The following ERC1 variants were observed in gnomAD, a reference collection of about 807,000 sequenced individuals.
The protein encoded by ERC1 is ELKS/RAB6-interacting/CAST family member 1.
ERC1 carries 56 observed loss-of-function variants against 132.0 expected under a neutral mutation model. The observed-to-expected ratio is 0.42, with a 90% CI of 0.34 to 0.53. The LOEUF (loss-of-function observed/expected upper bound fraction) is 0.53, where lower values mean the gene tolerates loss of function less well. Among genes scored for constraint, ERC1 ranks in the 20% least tolerant of loss-of-function variants. The pLI is 0.03. For missense variants in ERC1, 1,202 were observed against 1,349.9 expected, an observed-to-expected ratio of 0.89 and a Z score of 1.72; for synonymous variants, 478 against 476.1, an observed-to-expected ratio of 1.00 and a Z score of -0.05.
intron 12 of ERC1, among the ~76,000 whole-genome samples, chr12:1,231,132 C>G (rs1329813332): frequency 6.9e-6 from 1 of 144,572 alleles, no homozygotes; most frequent in South Asian, 2.1e-4. Context: ...TTGCTGCCTT[C>G]CTTTCTGATT....
chr12:1,314,205 G>C (rs55734408), intron 15 of ERC1, among the ~76,000 whole-genome samples: 2,928 of 151,878 alleles, frequency 0.019, 101 homozygotes, highest in African/African-American at 0.068. Flanking sequence ...ACCCTATCTG[G>C]GCCTCTGTTT....
intron 13 of ERC1, among the ~76,000 whole-genome samples, chr12:1,245,694 A>G (rs574201595): frequency 1.3e-5 from 2 of 152,352 alleles, no homozygotes; most frequent in Admixed American, 1.3e-4. Context: ...AATGAAAATG[A>G]TACCTGAAAA....
chr12:1,211,076 A>C (rs1957822572), intron 12 of ERC1, among the ~76,000 whole-genome samples: 1 of 152,198 alleles, frequency 6.6e-6, no homozygotes, highest in South Asian at 2.1e-4. Flanking sequence ...AAAATCACTT[A>C]AGTATGTTAC....
At chr12:1,000,719 C>T (rs1472845954) in intron 1 of ERC1, among the ~76,000 whole-genome samples, 7 of 152,154 alleles carry the variant, frequency 4.6e-5, no homozygotes, top group East Asian at 3.9e-4. Flanking sequence ...GCCAAAATCA[C>T]GCCATTGCAC....
At chr12:1,285,084 G>A (rs2078955382) in intron 14 of ERC1, among the ~76,000 whole-genome samples, 2 of 152,118 alleles carry the variant, frequency 1.3e-5, no homozygotes, top group Non-Finnish European at 2.9e-5. Context: ...TGCTTTGGAA[G>A]TAAGAGTTTT....
chr12:1,342,339 C>T (rs1304707770), intron 15 of ERC1, among the ~76,000 whole-genome samples: 2 of 151,866 alleles, frequency 1.3e-5, no homozygotes, highest in Non-Finnish European at 2.9e-5. Context: ...TGGTGGCACA[C>T]GCCTGTAATC....
intron 17 of ERC1, among the ~76,000 whole-genome samples, chr12:1,416,250 A>T (rs1342233886): frequency 6.6e-6 from 1 of 152,220 alleles, no homozygotes; most frequent in Non-Finnish European, 1.5e-5. Flanking sequence ...TCACTGATAA[A>T]TGTGACTAAC....
At chr12:1,046,197 A>G (rs1339441741) in intron 2 of ERC1, among the ~76,000 whole-genome samples, 1 of 152,226 alleles carries the variant, frequency 6.6e-6, no homozygotes, top group Non-Finnish European at 1.5e-5. Context: ...CTAACACCAA[A>G]GGAATTGTGC....
chr12:1,084,545 A>T (rs1435945308), intron 3 of ERC1, among the ~76,000 whole-genome samples: 2 of 152,176 alleles, frequency 1.3e-5, no homozygotes, highest in Non-Finnish European at 2.9e-5. Context: ...ATTGTTTTTT[A>T]AAAACATGAT....
chr12:1,327,223 C>G (rs2082508173), intron 15 of ERC1, among the ~76,000 whole-genome samples: 1 of 149,222 alleles, frequency 6.7e-6, no homozygotes, highest in Non-Finnish European at 1.5e-5. Context: ...AAATACTAGA[C>G]ATTTCTATTA....
rs1247409223 is a variant in ERC1, at chr12:1,493,544, AAAAAATATATATATAT to A, written c.*3316_*3331del. 20 of 22,530 alleles carry A rather than the reference AAAAAATATATATATAT, an allele frequency of 8.9e-4. 3 individuals carry two copies. In the East Asian group the frequency reaches 0.031, roughly 35 times the overall value. 1.4% of individuals were successfully genotyped at this position (22,530 alleles called of 1,614,324 possible). ...AGAGACTCCATTTAAAAAAAAAAAAAAAAAATATATATATATATATATATATATATATATGGATGGG... is the reference window on the plus strand; with the variant it reads ...AGAGACTCCATTTAAAAAAAAAAAAAATATATATATATATATATGGATGGG... On this transcript the variant is annotated 3_prime_UTR_variant, in exon 19 of 19. Coordinates refer to ENST00000360905, the MANE Select transcript of ERC1 (RefSeq NM_178040.4).
At chr12:1,231,903 C>G (rs2075071224) in intron 12 of ERC1, among the ~76,000 whole-genome samples, 1 of 152,134 alleles carries the variant, frequency 6.6e-6, no homozygotes, top group Non-Finnish European at 1.5e-5. Context: ...CCACGCCCAG[C>G]TAATTTTTGT....
chr12:1,405,293 G>A (rs967691193), intron 16 of ERC1, among the ~76,000 whole-genome samples: 2 of 146,670 alleles, frequency 1.4e-5, no homozygotes, highest in Non-Finnish European at 3.0e-5. Flanking sequence ...TTATTAATCG[G>A]TTTTTTTTTT....
At chr12:1,062,129 A>G (rs1372222553) in intron 2 of ERC1, among the ~76,000 whole-genome samples, 2 of 150,210 alleles carry the variant, frequency 1.3e-5, no homozygotes, top group Non-Finnish European at 3.0e-5. Context: ...GACTACAGGC[A>G]CCCACCAGCA....
At chr12:1,377,542 C>G (rs2088093938) in intron 16 of ERC1, among the ~76,000 whole-genome samples, 1 of 152,186 alleles carries the variant, frequency 6.6e-6, no homozygotes, top group African/African-American at 2.4e-5. Context: ...GACTTGCTAT[C>G]TTTCAATTCA....
intron 8 of ERC1, among the ~76,000 whole-genome samples, chr12:1,163,713 TTTTC>T (rs928052846): frequency 8.8e-4 from 134 of 152,262 alleles, no homozygotes; most frequent in African/African-American, 3.1e-3. Context: ...TTTATTTTTA[TTTTC>T]TTTATTTTTA....
At chr12:1,196,069 A>C (rs1261546532) in intron 12 of ERC1, among the ~76,000 whole-genome samples, 1 of 152,034 alleles carries the variant, frequency 6.6e-6, no homozygotes, top group Non-Finnish European at 1.5e-5. Flanking sequence ...TACTCCCCCA[A>C]ATCAGGAATA....
intron 13 of ERC1, among the ~76,000 whole-genome samples, chr12:1,243,941 A>G (rs568128238): frequency 1.3e-5 from 2 of 152,334 alleles, no homozygotes; most frequent in Non-Finnish European, 2.9e-5. Context: ...TTTTCTATGT[A>G]GAGCTAAGAC....
At chr12:1,285,184 T>G (rs1016433123) in intron 14 of ERC1, among the ~76,000 whole-genome samples, 11 of 152,188 alleles carry the variant, frequency 7.2e-5, no homozygotes, top group African/African-American at 2.4e-4. Context: ...GTCAATAAAA[T>G]TGCATTTATA....
Sources: allele counts gnomAD v4.1 joint callset (sites outside exome capture counted in the v4.1 genomes callset), GRCh38; gene constraint gnomAD v4.1.1; transcripts MANE v1.5; gene names NCBI Gene and HGNC (gene_info 2026-07-23, HGNC 2026-07-21).